Variants in PTK2 observed in about 807,000 individuals in gnomAD.
The protein encoded by PTK2 is focal adhesion kinase 1.
Under a neutral mutation model 150.1 loss-of-function variants are expected in PTK2, and 45 were observed. The observed-to-expected ratio is 0.30, with a 90% CI of 0.24 to 0.38. The LOEUF (loss-of-function observed/expected upper bound fraction) is 0.38, where lower values mean the gene tolerates loss of function less well. Ranked by LOEUF, PTK2 falls within the 10% of genes least tolerant of loss-of-function variation. The pLI is 1.00. For missense variants in PTK2, 919 were observed against 1,307.3 expected (o/e 0.70, Z 4.58); for synonymous variants, 432 against 449.2 (o/e 0.96, Z 0.48).
chr8:140,743,292 T>C, exon 20 of PTK2: 1 of 1,613,540 alleles, frequency 6.2e-7, no homozygotes, highest in Non-Finnish European at 8.5e-7. Context: ...TTTTACACAA[T>C]CATTTGAGGA....
intron 2 of PTK2, among the ~76,000 whole-genome samples, chr8:140,894,871 G>A (rs1262158154): frequency 1.3e-5 from 2 of 152,136 alleles, no homozygotes; most frequent in Non-Finnish European, 2.9e-5. Context: ...TAGAAGATCT[G>A]AAGAGCACGA....
chr8:140,960,239 C>A (rs1408316729), intron 1 of PTK2, among the ~76,000 whole-genome samples: 1 of 123,764 alleles, frequency 8.1e-6, no homozygotes, highest in African/African-American at 3.0e-5. Flanking sequence ...CACTCTGTCA[C>A]CCAGGCTGGA....
At chr8:140,741,589 A>G (rs2100055707) in intron 20 of PTK2, among the ~76,000 whole-genome samples, 3 of 152,126 alleles carry the variant, frequency 2.0e-5, no homozygotes, top group Admixed American at 2.0e-4. Context: ...CTTTGCTTGT[A>G]AAAATCTGGG....
At chr8:140,928,783 C>A (rs1163487783) in intron 1 of PTK2, among the ~76,000 whole-genome samples, 1 of 151,866 alleles carries the variant, frequency 6.6e-6, no homozygotes, top group African/African-American at 2.4e-5. Flanking sequence ...GAGGATGAGG[C>A]TGGAAGGAGA....
chr8:140,668,687 C>T (rs1394472176), intron 29 of PTK2: 2 of 292,818 alleles, frequency 6.8e-6, no homozygotes, highest in Non-Finnish European at 1.3e-5. Context: ...CTAAAAACCC[C>T]AGATTCTTTC....
At chr8:140,684,637 G>T (rs886639945) in intron 27 of PTK2, among the ~76,000 whole-genome samples, 2 of 152,168 alleles carry the variant, frequency 1.3e-5, no homozygotes, top group African/African-American at 4.8e-5. Context: ...AAATACCCAG[G>T]AATATAGCTA....
At chr8:140,820,168 C>G (rs777551685) in intron 8 of PTK2, among the ~76,000 whole-genome samples, 1 of 139,484 alleles carries the variant, frequency 7.2e-6, no homozygotes, top group Non-Finnish European at 1.5e-5. Flanking sequence ...GGCGCAACCT[C>G]GGCTCACTGC....
intron 1 of PTK2, among the ~76,000 whole-genome samples, chr8:140,960,797 A>G (rs889231221): frequency 1.3e-5 from 2 of 152,110 alleles, no homozygotes; most frequent in African/African-American, 2.4e-5. Flanking sequence ...CCCGACCAAC[A>G]TGGTAAAACT....
chr8:140,965,395 C>T (rs1408648330), intron 1 of PTK2, among the ~76,000 whole-genome samples: 1 of 152,196 alleles, frequency 6.6e-6, no homozygotes, highest in Non-Finnish European at 1.5e-5. Context: ...CTCTCCTGCA[C>T]TCCACAGCAT....
chr8:140,797,240 A>C (rs2100092197), intron 12 of PTK2, among the ~76,000 whole-genome samples: 1 of 152,182 alleles, frequency 6.6e-6, no homozygotes, highest in Non-Finnish European at 1.5e-5. Flanking sequence ...CCATATATTC[A>C]CTGGACATTT....
intron 27 of PTK2, among the ~76,000 whole-genome samples, chr8:140,678,214 G>A (rs111400855): frequency 0.01 from 1,582 of 152,004 alleles, 10 homozygotes; most frequent in Non-Finnish European, 0.016. Context: ...GCCTGGCTAT[G>A]TTTTTGTATT....
At chr8:140,990,232 A>ATTTTTTTTTTTT (rs11312570) in intron 1 of PTK2, among the ~76,000 whole-genome samples, 1 of 146,808 alleles carries the variant, frequency 6.8e-6, no homozygotes, top group Non-Finnish European at 1.5e-5. Flanking sequence ...TCCTTGACCA[A>ATTTTTTTTTTTT]TTTTTTTTTT....
At chr8:140,709,547 G>A (rs1431368212) in intron 23 of PTK2, among the ~76,000 whole-genome samples, 1 of 152,182 alleles carries the variant, frequency 6.6e-6, no homozygotes, top group African/African-American at 2.4e-5. Flanking sequence ...CACAGTTAGG[G>A]TGCTTCAGCT....
chr8:140,822,282 C>T (rs2100109111), intron 8 of PTK2: 1 of 152,152 alleles, frequency 6.6e-6, no homozygotes, highest in South Asian at 2.1e-4. Flanking sequence ...AAAGAGCATT[C>T]TGATCTTCAT....
intron 1 of PTK2, among the ~76,000 whole-genome samples, chr8:140,998,164 T>A (rs1014295784): frequency 6.6e-6 from 1 of 152,228 alleles, no homozygotes; most frequent in African/African-American, 2.4e-5. Flanking sequence ...ACAGTATAAC[T>A]TTTAATGTTA....
chr8:140,908,727 G>A (rs1264548277), intron 2 of PTK2, among the ~76,000 whole-genome samples: 1 of 152,144 alleles, frequency 6.6e-6, no homozygotes, highest in Non-Finnish European at 1.5e-5. Flanking sequence ...CCCCTCAGAA[G>A]GGGCCAATTC....
At chr8:140,709,488 G>GTTA (rs1442212851) in intron 23 of PTK2, among the ~76,000 whole-genome samples, 1 of 152,182 alleles carries the variant, frequency 6.6e-6, no homozygotes, top group Non-Finnish European at 1.5e-5. Flanking sequence ...CAAATCAGAG[G>GTTA]TTAGCATGGT....
At chr8:140,662,093 T>C (rs1383155008) in intron 31 of PTK2, among the ~76,000 whole-genome samples, 4 of 152,110 alleles carry the variant, frequency 2.6e-5, no homozygotes, top group African/African-American at 7.2e-5. Context: ...AAGCAGGAAT[T>C]TGAGACCAGC....
At chr8:140,664,130 C>T (rs1014845712) in intron 31 of PTK2, among the ~76,000 whole-genome samples, 3 of 152,060 alleles carry the variant, frequency 2.0e-5, no homozygotes, top group African/African-American at 4.8e-5. Flanking sequence ...ACTATAGGCG[C>T]GTGCCACCAT....
Sources: gnomAD v4.1 joint callset for allele counts (sites outside exome capture counted in the v4.1 genomes callset) on GRCh38, gnomAD v4.1.1 for gene constraint, MANE v1.5 for transcripts, NCBI Gene and HGNC (gene_info 2026-07-23, HGNC 2026-07-21) for gene names.